The following SOHLH2 variants were observed in gnomAD, a reference collection of about 807,000 sequenced individuals.
SOHLH2 encodes spermatogenesis- and oogenesis-specific basic helix-loop-helix-containing protein 2.
SOHLH2 carries 22 observed loss-of-function variants against 50.4 expected under a neutral mutation model. That is an observed-to-expected ratio of 0.44 (90% confidence interval 0.31 to 0.62). The LOEUF is 0.62. SOHLH2 is among the 20% of genes least tolerant of loss of function. The probability of loss-of-function intolerance (pLI) is 0.08; values close to 1 mark genes in which losing one functional copy is unlikely to be tolerated. For missense variants in SOHLH2, 412 were observed against 504.4 expected, an observed-to-expected ratio of 0.82 and a Z score of 1.76; for synonymous variants, 185 against 187.3, an observed-to-expected ratio of 0.99 and a Z score of 0.10.
At chr13:36,177,546 G>A (rs536135819) in intron 6 of SOHLH2, among the ~76,000 whole-genome samples, 1 of 152,208 alleles carries the variant, frequency 6.6e-6, no homozygotes, top group South Asian at 2.1e-4. Context: ...CAGACCTCTT[G>A]TTCCAAATCT....
intron 1 of SOHLH2, among the ~76,000 whole-genome samples, chr13:36,204,062 T>C (rs1293377151): frequency 1.3e-5 from 2 of 151,524 alleles, no homozygotes; most frequent in Admixed American, 6.6e-5. Flanking sequence ...GAGATTCTCC[T>C]GCTTCAGCCT....
At chr13:36,190,459 C>A (rs916975984) in intron 5 of SOHLH2, among the ~76,000 whole-genome samples, 10 of 152,158 alleles carry the variant, frequency 6.6e-5, no homozygotes, top group African/African-American at 2.2e-4. Flanking sequence ...CCAACCCAAC[C>A]AGCAAAGCGC....
intron 2 of SOHLH2, among the ~76,000 whole-genome samples, chr13:36,195,117 T>C (rs765920280): frequency 6.6e-6 from 1 of 152,028 alleles, no homozygotes; most frequent in African/African-American, 2.4e-5. Context: ...AAACGAATCA[T>C]TATAGATAAT....
chr13:36,206,377 C>T (rs116780465), intron 1 of SOHLH2, among the ~76,000 whole-genome samples: 1,547 of 152,074 alleles, frequency 0.01, 22 homozygotes, highest in African/African-American at 0.035. Context: ...TCATTCATTG[C>T]TAATTAGTTT....
chr13:36,169,220 TA>T (rs1193129807), intron 10 of SOHLH2, among the ~76,000 whole-genome samples, 166 bp from the exon 11 acceptor site: 1 of 152,194 alleles, frequency 6.6e-6, no homozygotes, highest in African/African-American at 2.4e-5. Flanking sequence ...ATATTCTTAT[TA>T]AAAGTAATTA....
intron 6 of SOHLH2, chr13:36,182,041 A>G: frequency 1.0e-6 from 1 of 981,358 alleles, no homozygotes; most frequent in Non-Finnish European, 1.2e-6. Flanking sequence ...TGTTTTAAAA[A>G]CCAATAGTAT....
rs773513555 is a variant in SOHLH2 at position 36,173,714 on chromosome 13, G to A, written c.978C>T (p.Ser326=). ...WNGCSTPDAE[S]SLDEAVRVPS... is the part of the protein sequence containing the mutation. ...CACCTCTCACAGCTTCATCCAAGGA[G>A]CTCTCTGCATCAGGAGTGGAGCACC... Residue 326 remains serine, a synonymous_variant, in exon 9 of 11, where the codon AGC becomes AGT. Transcript: ENST00000379881. 8.7e-6 allele frequency: 14 copies of A among 1,613,298 alleles called. No homozygotes were observed. In the Admixed American group the frequency reaches 2.0e-4, roughly 23 times the overall value.
chr13:36,173,867 T>C, intron 8 of SOHLH2, 57 bp from the exon 9 acceptor site: 1 of 1,590,332 alleles, frequency 6.3e-7, no homozygotes, highest in Non-Finnish European at 8.6e-7. Flanking sequence ...ATGTGGACAC[T>C]GCTGAGTTCA....
intron 10 of SOHLH2, 138 bp downstream of exon 10, chr13:36,170,393 A>G: frequency 7.1e-7 from 1 of 1,400,472 alleles, no homozygotes; most frequent in East Asian, 2.5e-5. Context: ...CTTTTCACTC[A>G]TCAGGGTAGA....
Position 36,184,460 on chromosome 13 carries a change from C to CTTT in SOHLH2, c.641+5483_641+5485dup, listed in dbSNP as rs1229884029. ...GATGGAAGTTTCTACCTACAAAGAC[C>CTTT]TTTTTTTTTTTTTTTTTTTGAGACG... On this transcript the variant is annotated intron_variant, in intron 6 of 10. Transcript: ENST00000379881. Among the ~76,000 whole-genome samples the CTTT allele has an allele frequency of 2.7e-3, 333 of 121,154 alleles. 31 individuals carry two copies. The highest frequency in any genetic ancestry group is 9.0e-3 in the African/African-American group (290 of 32,336). 79.5% of individuals were successfully genotyped at this position (121,154 alleles called of 152,430 possible).
intron 2 of SOHLH2, among the ~76,000 whole-genome samples, chr13:36,196,234 T>G (rs1340564204): frequency 6.6e-6 from 1 of 151,764 alleles, no homozygotes; most frequent in Non-Finnish European, 1.5e-5. Context: ...CAAGCGATCC[T>G]GTACCTCAGC....
At chr13:36,213,690 G>T (rs1204032115) in intron 1 of SOHLH2, among the ~76,000 whole-genome samples, 1 of 152,106 alleles carries the variant, frequency 6.6e-6, no homozygotes, top group Non-Finnish European at 1.5e-5. Context: ...GAGGCCAGCG[G>T]GCTTTTTGAT....
At chr13:36,172,251 T>C (rs1221395423) in intron 9 of SOHLH2, among the ~76,000 whole-genome samples, 1 of 152,196 alleles carries the variant, frequency 6.6e-6, no homozygotes, top group Non-Finnish European at 1.5e-5. Context: ...TAGTATTGTA[T>C]GTACAAAAAA....
chr13:36,213,076 A>T (rs1011752781), intron 1 of SOHLH2, among the ~76,000 whole-genome samples: 1 of 152,190 alleles, frequency 6.6e-6, no homozygotes, highest in Admixed American at 6.5e-5. Flanking sequence ...CTCATGGGGC[A>T]ATTGCGGGCC....
At position 36,174,885 on chromosome 13, in the gene SOHLH2, C is replaced by T. The variant is rs1176773660; in HGVS notation, c.642-16G>A. ...GATTCTTTCCCTGGACACAGAATTG[C>T]AATACATAAAGAATAATTAGTCTCA... is the stretch of plus-strand genomic sequence containing the variant. On this transcript the variant is annotated splice_polypyrimidine_tract_variant and intron_variant, in intron 6 of 10. Transcript: ENST00000379881. The T allele has an allele frequency of 6.4e-7, 1 of 1,555,816 alleles. No homozygotes were observed. The highest frequency in any genetic ancestry group is 1.4e-5 in the African/African-American group (1 of 72,514).
intron 1 of SOHLH2, among the ~76,000 whole-genome samples, chr13:36,202,924 AT>A (rs1483347981): frequency 6.6e-6 from 1 of 152,214 alleles, no homozygotes; most frequent in Non-Finnish European, 1.5e-5. Context: ...ACAGGGCAGG[AT>A]GCTGGTGTAA....
chr13:36,171,244 G>C (rs1415291969), intron 9 of SOHLH2, among the ~76,000 whole-genome samples: 1 of 152,066 alleles, frequency 6.6e-6, no homozygotes, highest in Non-Finnish European at 1.5e-5. Flanking sequence ...TTTTCTACTG[G>C]ACATTAATAA....
intron 2 of SOHLH2, among the ~76,000 whole-genome samples, chr13:36,197,566 C>A (rs527839345): frequency 2.6e-5 from 4 of 152,248 alleles, no homozygotes; most frequent in Non-Finnish European, 4.4e-5. Context: ...TCTCTTAGAG[C>A]CATAAGGATT....
At position 36,193,624 on chromosome 13, in the gene SOHLH2, T is replaced by C. The variant is rs1438811950; in HGVS notation, c.427A>G (p.Thr143Ala). 7 of 1,598,344 alleles carry C rather than the reference T, an allele frequency of 4.4e-6. No homozygotes were observed. The highest frequency in any genetic ancestry group is 6.0e-6 in the Non-Finnish European group (7 of 1,176,216). ...CCTTTGGAAATTTTTTACTCACCAGTGTTTGAGGGACATGTTGTCCAGTAT... is the reference window on the plus strand; with the variant it reads ...CCTTTGGAAATTTTTTACTCACCAGCGTTTGAGGGACATGTTGTCCAGTAT... ...VKYWTTCPSN[T>A]VKTENATGPE... The change falls in exon 4 of 11, where the codon ACT becomes GCT. Residue 143 changes from threonine (T) to alanine (A), a missense_variant. Transcript: ENST00000379881.
Sources: allele counts gnomAD v4.1 joint callset (sites outside exome capture counted in the v4.1 genomes callset), GRCh38; gene constraint gnomAD v4.1.1; transcripts MANE v1.5; gene names NCBI Gene and HGNC (gene_info 2026-07-23, HGNC 2026-07-21).